Variants in DSCAM observed in about 807,000 individuals in gnomAD.
DSCAM encodes the protein cell adhesion molecule DSCAM.
A neutral mutation model predicts 217.7 loss-of-function variants in DSCAM; 47 were observed. That is an observed-to-expected ratio of 0.22 (90% confidence interval 0.17 to 0.28). DSCAM has a LOEUF of 0.28. Ranked by LOEUF, DSCAM falls within the 10% of genes least tolerant of loss-of-function variation. DSCAM has a pLI of 1.00. For synonymous variants in DSCAM, 1,056 were observed against 1,015.3 expected (o/e 1.04, Z -0.76); for missense variants, 2,080 against 2,618.3 (o/e 0.79, Z 4.49).
chr21:40,636,544 A>G (rs930906788), intron 3 of DSCAM, among the ~76,000 whole-genome samples: 1 of 152,172 alleles, frequency 6.6e-6, no homozygotes, highest in Non-Finnish European at 1.5e-5. Flanking sequence ...TGAATCTTCC[A>G]TACCAAATTT....
intron 1 of DSCAM, among the ~76,000 whole-genome samples, chr21:40,773,785 T>C (rs2091466199): frequency 6.6e-6 from 1 of 152,234 alleles, no homozygotes. Context: ...TCTGCTAGGC[T>C]GCCTGCCCTT....
intron 3 of DSCAM, among the ~76,000 whole-genome samples, chr21:40,406,211 G>A (rs2075278557): frequency 6.6e-6 from 1 of 152,170 alleles, no homozygotes; most frequent in South Asian, 2.1e-4. Context: ...GAGAACATAA[G>A]CTAGGACAGT....
intron 3 of DSCAM, among the ~76,000 whole-genome samples, chr21:40,645,154 T>TCCCTAATATTTCCTTTCC (rs1264395246): frequency 2.6e-5 from 4 of 152,200 alleles, no homozygotes; most frequent in African/African-American, 9.6e-5. Context: ...GCATCCTTTC[T>TCCCTAATATTTCCTTTCC]CCCTAATATT....
chr21:40,202,162 C>T (rs940110645), intron 11 of DSCAM, among the ~76,000 whole-genome samples: 7 of 152,158 alleles, frequency 4.6e-5, no homozygotes, highest in Admixed American at 4.6e-4. Context: ...CAATAGCCTG[C>T]CAACAACCCT....
At chr21:40,056,971 C>G (rs1015405033) in intron 28 of DSCAM, among the ~76,000 whole-genome samples, 11 of 152,180 alleles carry the variant, frequency 7.2e-5, no homozygotes, top group Admixed American at 6.5e-5. Context: ...CACTCTTAAA[C>G]CAAGTGGTGG....
At chr21:40,739,309 G>A (rs1020782763) in intron 1 of DSCAM, among the ~76,000 whole-genome samples, 5 of 152,204 alleles carry the variant, frequency 3.3e-5, no homozygotes, top group Admixed American at 2.6e-4. Flanking sequence ...GCTCAGGGAA[G>A]GGGCAGCCCC....
At chr21:40,132,534 T>C (rs2090164276) in intron 19 of DSCAM, among the ~76,000 whole-genome samples, 1 of 152,194 alleles carries the variant, frequency 6.6e-6, no homozygotes, top group Admixed American at 6.5e-5. Context: ...ACCTGCACAT[T>C]CCCTGGAAGG....
intron 3 of DSCAM, among the ~76,000 whole-genome samples, chr21:40,412,329 T>C (rs561666271): frequency 3.5e-4 from 53 of 152,150 alleles, no homozygotes; most frequent in African/African-American, 1.2e-3. Context: ...TGGGAACAGT[T>C]TGGAGGGCTC....
intron 3 of DSCAM, among the ~76,000 whole-genome samples, chr21:40,553,178 C>G (rs1426265153): frequency 2.0e-5 from 3 of 152,206 alleles, no homozygotes; most frequent in Non-Finnish European, 4.4e-5. Context: ...AGAAACAGCA[C>G]AAGTCACATT....
intron 1 of DSCAM, among the ~76,000 whole-genome samples, chr21:40,757,776 T>A (rs2091290483): frequency 6.6e-6 from 1 of 152,210 alleles, no homozygotes; most frequent in East Asian, 1.9e-4. Context: ...GTTTGCCACT[T>A]TGGGCCACTA....
chr21:40,286,982 G>C (rs1057397629), intron 10 of DSCAM, among the ~76,000 whole-genome samples: 1 of 122,036 alleles, frequency 8.2e-6, no homozygotes, highest in African/African-American at 3.6e-5. Flanking sequence ...ATTGCAGTGT[G>C]ATCCACAGTG....
chr21:40,800,715 C>CTTTTTTTTT lies in DSCAM; in HGVS notation c.43+45895_43+45903dup, dbSNP rs34391500. ...TTTCTTCTTTCTTCTTTCTTACTTT[C>CTTTTTTTTT]TTTTTTTTTTTTTTTTTTTAAACGG... On this transcript the variant is annotated intron_variant, in intron 1 of 32. Transcript: ENST00000400454. Among the ~76,000 whole-genome samples the CTTTTTTTTT allele has an allele frequency of 2.3e-5, 3 of 131,074 alleles. No individual in the cohort carries two copies. The South Asian group carries it at 7.4e-4, about 32-fold the overall frequency. 86.0% of individuals were successfully genotyped at this position (131,074 alleles called of 152,430 possible).
In DSCAM at chr21:40,125,154, T is replaced by G. The variant is rs80117286; in HGVS notation, c.3563-826A>C. Among the ~76,000 whole-genome samples, 298 of 152,276 alleles carry G rather than the reference T, an allele frequency of 2.0e-3. 2 individuals are homozygous for G. Among genetic ancestry groups the G allele is most frequent in the African/African-American group, 6.9e-3 (286 of 41,552 alleles). On this transcript the variant is annotated intron_variant, in intron 19 of 32. Transcript: ENST00000400454. ...GAATAGGGATTATTGGGTCAAAGAT[T>G]CACAGTATCCATGTAAGACAAACTC...
At chr21:40,828,086 G>A (rs2123627216) in intron 1 of DSCAM, among the ~76,000 whole-genome samples, 2 of 152,204 alleles carry the variant, frequency 1.3e-5, no homozygotes, top group South Asian at 4.1e-4. Flanking sequence ...AGCTGGAAGA[G>A]GGGGAAGTTG....
intron 4 of DSCAM, among the ~76,000 whole-genome samples, chr21:40,365,886 G>A (rs1262789585): frequency 2.0e-5 from 3 of 151,930 alleles, no homozygotes; most frequent in Non-Finnish European, 4.4e-5. Context: ...ACTAGCCCTA[G>A]CACAGAAATC....
At chr21:40,377,662 C>A (rs1408626328) in intron 3 of DSCAM, among the ~76,000 whole-genome samples, 1 of 151,778 alleles carries the variant, frequency 6.6e-6, no homozygotes, top group African/African-American at 2.4e-5. Context: ...TGAGGAGAAG[C>A]CCTTCATGAG....
intron 8 of DSCAM, among the ~76,000 whole-genome samples, chr21:40,335,152 A>C (rs1436656044): frequency 6.6e-6 from 1 of 151,838 alleles, no homozygotes; most frequent in Non-Finnish European, 1.5e-5. Flanking sequence ...TCAAAATCTC[A>C]CTTTTTCCAG....
intron 3 of DSCAM, chr21:40,618,426 C>A (rs1419680948): frequency 6.6e-6 from 1 of 152,150 alleles, no homozygotes. Context: ...TGCATGGCAG[C>A]GCTGTCCTCA....
intron 3 of DSCAM, among the ~76,000 whole-genome samples, chr21:40,488,454 T>C (rs2076048324): frequency 6.6e-6 from 1 of 152,186 alleles, no homozygotes; most frequent in Non-Finnish European, 1.5e-5. Flanking sequence ...ATAGTTTCAA[T>C]GAGAAACTGC....
Sources: gnomAD v4.1 joint callset for allele counts (sites outside exome capture counted in the v4.1 genomes callset) on GRCh38, gnomAD v4.1.1 for gene constraint, MANE v1.5 for transcripts, NCBI Gene and HGNC (gene_info 2026-07-23, HGNC 2026-07-21) for gene names.